SNPH: variants seen among roughly 807,000 people sequenced by gnomAD.
SNPH encodes the protein syntaphilin.
Under a neutral mutation model 36.8 loss-of-function variants are expected in SNPH, and 10 were observed. That is an observed-to-expected ratio of 0.27 (90% confidence interval 0.17 to 0.46). The LOEUF (loss-of-function observed/expected upper bound fraction) is 0.46. SNPH is among the 20% of genes least tolerant of loss of function. The pLI, the probability that SNPH is intolerant of heterozygous loss-of-function variation, is 1.00. For synonymous variants in SNPH, 281 were observed against 312.2 expected (o/e 0.90, Z 1.05); for missense variants, 622 against 744.0 (o/e 0.84, Z 1.91).
rs1293966184 is a variant in SNPH at position 1,307,914 on chromosome 20, C to T, written c.*1860C>T. On this transcript the variant is annotated 3_prime_UTR_variant, in exon 7 of 7. Coordinates refer to ENST00000381867, the MANE Select transcript of SNPH (RefSeq NM_001318234.2). ...GCCACGGAGGGGGCAGTGGACAAAA[C>T]CAATCCAAAGCCAAGCCGGGACTGG... is the stretch of plus-strand genomic sequence containing the variant. The T allele has an allele frequency of 6.6e-6, 1 of 152,666 alleles. No individual in the cohort carries two copies. Among genetic ancestry groups the T allele is most frequent in the Non-Finnish European group, 1.5e-5 (1 of 68,150 alleles). The allele number at this position is 152,666 out of a possible 1,614,324, so 9.5% of individuals were successfully genotyped here. A position where few individuals can be genotyped will look rare whatever the true frequency, so the allele number is the denominator to read the frequency against.
chr20:1,274,294 A>G (rs62187493), intron 2 of SNPH, among the ~76,000 whole-genome samples: 3,824 of 151,998 alleles, frequency 0.025, 75 homozygotes, highest in South Asian at 0.11. Context: ...TAGATACCAG[A>G]CCAGTCCTTG....
chr20:1,294,031 G>T lies in SNPH; in HGVS notation c.-492-920G>T, dbSNP rs770833591. Among the ~76,000 whole-genome samples the T allele has an allele frequency of 6.6e-6, 1 of 152,192 alleles. No homozygotes were observed. The highest frequency in any genetic ancestry group is 2.4e-5 in the African/African-American group (1 of 41,458). ...ATCCTCAGATCTGAGTCCTGCCTCT[G>T]CTGGAAAGTCCTCCTGAAGGCTCAG... On this transcript the variant is annotated intron_variant, in intron 2 of 6. Coordinates refer to ENST00000381867, the MANE Select transcript of SNPH (RefSeq NM_001318234.2). This position sits in a 1 kb window ranked among gnomAD's most constrained non-coding sequence, Gnocchi z 4.4.
Position 1,300,545 on chromosome 20 carries a change from T to C in SNPH, c.291-17T>C. 6.2e-7 allele frequency: 1 copy of C among 1,613,776 alleles called. No homozygotes were observed. The highest frequency in any genetic ancestry group is 8.5e-7 in the Non-Finnish European group (1 of 1,179,910). ...TGACCTCTTCCTCCCTCCCTGATGA[T>C]GGGCGTCCCCTTGCAGGCGCTCCAT... is the stretch of plus-strand genomic sequence containing the variant. On this transcript the variant is annotated splice_polypyrimidine_tract_variant and intron_variant, in intron 5 of 6. Transcript: ENST00000381867.
Position 1,305,786 on chromosome 20 carries a change from A to G in SNPH, c.1349A>G (p.Glu450Gly). ...QSVSVVCPMEEEEEAAVAEKE... is the reference protein window; with the variant it reads ...QSVSVVCPMEGEEEAAVAEKE... ...GTGAGCGTGGTGTGCCCCATGGAAG[A>G]GGAGGAGGAGGCTGCCGTGGCTGAG... is the stretch of plus-strand genomic sequence containing the variant. Residue 450 changes from glutamate to glycine, a missense_variant, in exon 7 of 7, where the codon GAG becomes GGG. Physicochemically the swap from Glu to Gly is moderately conservative, Grantham distance 98. Transcript: ENST00000381867. The G allele has an allele frequency of 6.2e-7, 1 of 1,605,574 alleles. No individual in the cohort carries two copies. Among genetic ancestry groups the G allele is most frequent in the Non-Finnish European group, 8.5e-7 (1 of 1,176,580 alleles).
rs1197062504 is a variant in SNPH at position 1,285,209 on chromosome 20, T to A, written c.-492-9742T>A. On this transcript the variant is annotated intron_variant, in intron 2 of 6. Coordinates refer to ENST00000381867, the MANE Select transcript of SNPH (RefSeq NM_001318234.2). This position sits in a 1 kb window ranked among gnomAD's most constrained non-coding sequence, Gnocchi z 4.9. ...AGAAAAACAGATTTTTAAGGCAAAATCAGAAATTCATATTTTGGATGTGTT... is the reference window on the plus strand; with the variant it reads ...AGAAAAACAGATTTTTAAGGCAAAAACAGAAATTCATATTTTGGATGTGTT... 6.6e-6 allele frequency among the ~76,000 whole-genome samples: 1 copy of A among 152,162 alleles called. No individual in the cohort carries two copies. Among genetic ancestry groups the A allele is most frequent in the African/African-American group, 2.4e-5 (1 of 41,434 alleles).
chr20:1,277,903 CTG>C lies in SNPH; in HGVS notation c.-493+11156_-493+11157del, dbSNP rs770591276. Reference sequence around the variant, plus strand: ...TGTGCCGATGTGTCTGTGTATGTATCTGTGTGTGTGTGTGCCTGTGTGTGTCT... The same window carrying C: ...TGTGCCGATGTGTCTGTGTATGTATCTGTGTGTGTGTGCCTGTGTGTGTCT... On this transcript the variant is annotated intron_variant, in intron 2 of 6. Transcript: ENST00000381867. 1.4e-3 allele frequency among the ~76,000 whole-genome samples: 166 copies of C among 119,888 alleles called. 2 individuals are homozygous for C. Among genetic ancestry groups the C allele is most frequent in the South Asian group, 6.7e-3 (24 of 3,566 alleles). 78.7% of individuals were successfully genotyped at this position (119,888 alleles called of 152,430 possible). A position where few individuals can be genotyped will look rare whatever the true frequency, so the allele number is the denominator to read the frequency against.
rs1353795793 is a variant in SNPH at position 1,276,230 on chromosome 20, GC to G, written c.-493+9471del. ...CCCCTTCCCCCTCCACAGGAGGGGG[GC>G]TCCTCACTCTGGGGCCGTGTGTTTG... On this transcript the variant is annotated intron_variant, in intron 2 of 6. Coordinates refer to ENST00000381867, the MANE Select transcript of SNPH (RefSeq NM_001318234.2). The surrounding 1 kb of genome is among the most constrained non-coding windows in gnomAD (Gnocchi z 4.6). Among the ~76,000 whole-genome samples the G allele has an allele frequency of 6.8e-6, 1 of 147,768 alleles. No homozygotes were observed. Among genetic ancestry groups the G allele is most frequent in the Non-Finnish European group, 1.5e-5 (1 of 65,540 alleles).
rs56289024 is a variant in SNPH at position 1,289,512 on chromosome 20, T to TAC, written c.-492-5395_-492-5394dup. Among the ~76,000 whole-genome samples, 547 of 137,730 alleles carry TAC rather than the reference T, an allele frequency of 4.0e-3. 2 individuals are homozygous for TAC. The highest frequency in any genetic ancestry group is 9.8e-3 in the African/African-American group (353 of 36,010). The allele number at this position is 137,730 out of a possible 152,430, so 90.4% of individuals were successfully genotyped here. The stretch of plus-strand genomic sequence containing the variant: ...TTATTAATGCAACGGTTCATTTAAA[T>TAC]ACACACACACACACACACACACACA... On this transcript the variant is annotated intron_variant, in intron 2 of 6. Transcript: ENST00000381867.
At position 1,305,735 on chromosome 20, in the gene SNPH, G is replaced by T. The variant is rs146712342; in HGVS notation, c.1298G>T (p.Gly433Val). 5.4e-4 allele frequency: 873 copies of T among 1,611,454 alleles called. 6 individuals are homozygous for T. The African/African-American group carries it at 8.2e-3, about 15-fold the overall frequency. The change falls in exon 7 of 7, where the codon GGT (glycine) becomes GTT (valine). Residue 433 changes from glycine to valine, a missense_variant. Physicochemically the swap from Gly to Val is moderately radical, Grantham distance 109. Transcript: ENST00000381867. The part of the protein sequence containing the change: ...ITRGPTPQRP[G>V]ANPNPGQSVS... Reference sequence around the variant, plus strand: ...CGTGGACCCACCCCACAGCGGCCTGGTGCCAACCCCAACCCTGGCCAGTCG... The same window carrying T: ...CGTGGACCCACCCCACAGCGGCCTGTTGCCAACCCCAACCCTGGCCAGTCG...
chr20:1,299,970 G>T (rs527342122), intron 5 of SNPH, among the ~76,000 whole-genome samples: 1 of 152,312 alleles, frequency 6.6e-6, no homozygotes, highest in South Asian at 2.1e-4. Flanking sequence ...AGGCTGTGAG[G>T]GGTCTCAGCT....
At chr20:1,277,327 G>A (rs988371720) in intron 2 of SNPH, among the ~76,000 whole-genome samples, 17 of 152,202 alleles carry the variant, frequency 1.1e-4, no homozygotes, top group African/African-American at 4.1e-4. Context: ...CTTGGGACTA[G>A]AGGCCATGTG....
intron 2 of SNPH, among the ~76,000 whole-genome samples, chr20:1,271,068 C>T (rs956776559): frequency 8.5e-5 from 13 of 152,192 alleles, no homozygotes; most frequent in Admixed American, 3.3e-4. Context: ...ATATTTATGA[C>T]GTGTTTGTCG....
chr20:1,300,564 G>A lies in SNPH; in HGVS notation c.293G>A (p.Arg98His), dbSNP rs771528392. The change falls in exon 6 of 7, where the codon CGC (arginine) becomes CAC (histidine). Residue 98 changes from arginine (R) to histidine (H), a missense_variant and splice_region_variant. Transcript: ENST00000381867. ...TGATGATGGGCGTCCCCTTGCAGGC[G>A]CTCCATGAAATACACGCTGTGCAGT... Reference protein sequence around the residue: ...KGSDSSPTPRRSMKYTLCSDN... With the variant: ...KGSDSSPTPRHSMKYTLCSDN... The A allele has an allele frequency of 2.9e-5, 47 of 1,613,748 alleles. No homozygotes were observed. The highest frequency in any genetic ancestry group is 5.3e-5 in the African/African-American group (4 of 74,886).
In SNPH at chr20:1,305,105, C is replaced by T. The variant is rs144660706; in HGVS notation, c.668C>T (p.Thr223Met). ...AACATCCAGAACAAGAAGCTGGAGA[C>T]GCTGCTGCACAGCATGGAGGTGGCC... ...DINIQNKKLE[T>M]LLHSMEVAQN... Residue 223 changes from threonine to methionine, a missense_variant, in exon 7 of 7, where the codon ACG becomes ATG. By Grantham distance (81) the Thr-to-Met change is moderately conservative. This residue lies in a region of SNPH where 56 missense variants were observed against 106.6 expected (regional missense o/e 0.53). Coordinates refer to ENST00000381867, the MANE Select transcript of SNPH (RefSeq NM_001318234.2). 1.3e-5 allele frequency: 21 copies of T among 1,613,814 alleles called. No individual in the cohort carries two copies. The highest frequency in any genetic ancestry group is 6.7e-5 in the African/African-American group (5 of 74,938).
intron 2 of SNPH, among the ~76,000 whole-genome samples, chr20:1,267,400 C>T (rs945843802): frequency 6.6e-6 from 1 of 152,162 alleles, no homozygotes; most frequent in Admixed American, 6.5e-5. Context: ...GAAAGAGAGG[C>T]CGGTCACATG....
chr20:1,297,283 C>T, intron 5 of SNPH, 31 bp downstream of exon 5: 2 of 1,600,264 alleles, frequency 1.2e-6, no homozygotes, highest in Non-Finnish European at 1.7e-6. Flanking sequence ...GGGCCTGGCC[C>T]TGCTGGCTGG....
At chr20:1,289,587 T>G (rs1600255457) in intron 2 of SNPH, among the ~76,000 whole-genome samples, 1 of 149,966 alleles carries the variant, frequency 6.7e-6, no homozygotes, top group East Asian at 2.0e-4. Flanking sequence ...GGCTCACACC[T>G]GTAATCCCAG....
intron 6 of SNPH, among the ~76,000 whole-genome samples, chr20:1,303,787 G>C (rs2088533024): frequency 6.6e-6 from 1 of 152,176 alleles, no homozygotes; most frequent in Non-Finnish European, 1.5e-5. Flanking sequence ...CTGCTGGGCT[G>C]ATGAACCCCA....
chr20:1,293,307 T>C (rs938653182), intron 2 of SNPH, among the ~76,000 whole-genome samples: 12 of 152,112 alleles, frequency 7.9e-5, no homozygotes, highest in African/African-American at 2.9e-4. Context: ...GTTGCTATGG[T>C]GTGGACAAGA....
Sources: allele counts gnomAD v4.1 joint callset (sites outside exome capture counted in the v4.1 genomes callset), GRCh38; gene constraint gnomAD v4.1.1; regional missense constraint gnomAD v4.1.1; non-coding constraint Gnocchi (gnomAD v3.1); transcripts MANE v1.5; gene names NCBI Gene and HGNC (gene_info 2026-07-23, HGNC 2026-07-21).